The following KCNAB1 variants were observed in gnomAD, a reference collection of about 807,000 sequenced individuals.
KCNAB1 encodes the protein voltage-gated potassium channel subunit beta-1.
KCNAB1 carries 35 observed loss-of-function variants against 64.6 expected under a neutral mutation model. The ratio of observed to expected loss-of-function variants is 0.54; its 90% CI spans 0.41 to 0.72. The LOEUF (loss-of-function observed/expected upper bound fraction) is 0.72, where lower values mean the gene tolerates loss of function less well. KCNAB1 is among the 30% of genes least tolerant of loss of function. The probability of loss-of-function intolerance (pLI) is 0.00; values close to 1 mark genes in which losing one functional copy is unlikely to be tolerated. For missense variants in KCNAB1, 401 were observed against 512.9 expected, an observed-to-expected ratio of 0.78 and a Z score of 2.11; for synonymous variants, 177 against 183.8, an observed-to-expected ratio of 0.96 and a Z score of 0.30.
At chr3:156,143,324 G>C in intron 1 of KCNAB1, 1 of 1,612,962 alleles carries the variant, frequency 6.2e-7, no homozygotes, top group African/African-American at 1.3e-5. Context: ...GTGAGGCCCA[G>C]TGGAGCAGCC....
At chr3:156,356,122 A>AG (rs1277523128) in intron 1 of KCNAB1, among the ~76,000 whole-genome samples, 13 of 150,220 alleles carry the variant, frequency 8.7e-5, no homozygotes, top group South Asian at 2.1e-4. Flanking sequence ...ACCCTGTAAA[A>AG]AAAAAAAAAA....
chr3:156,357,884 GA>G (rs945595753), intron 1 of KCNAB1, among the ~76,000 whole-genome samples: 2 of 150,332 alleles, frequency 1.3e-5, no homozygotes, highest in African/African-American at 2.4e-5. Flanking sequence ...TGTACCTAAG[GA>G]AAACTCAATT....
chr3:156,421,757 G>T, intron 2 of KCNAB1, 98 bp downstream of exon 2: 1 of 1,015,252 alleles, frequency 9.8e-7, no homozygotes, highest in East Asian at 2.4e-5. Context: ...CCTGGTCTCA[G>T]ATGAGGAGGA....
At chr3:156,411,826 A>G (rs981397067) in intron 1 of KCNAB1, among the ~76,000 whole-genome samples, 5 of 152,174 alleles carry the variant, frequency 3.3e-5, no homozygotes, top group Admixed American at 3.3e-4. Context: ...TGAGTCCTCC[A>G]GCTTTACTCT....
At chr3:156,224,461 G>A (rs1397794650) in intron 1 of KCNAB1, among the ~76,000 whole-genome samples, 1 of 152,156 alleles carries the variant, frequency 6.6e-6, no homozygotes, top group African/African-American at 2.4e-5. Context: ...CGAGGGCTGC[G>A]AGGGCTGCCA....
chr3:156,129,876 T>G (rs756745367), intron 1 of KCNAB1, among the ~76,000 whole-genome samples: 1 of 152,228 alleles, frequency 6.6e-6, no homozygotes, highest in Non-Finnish European at 1.5e-5. Flanking sequence ...ACTTAGAAAC[T>G]TGTTCTAAGA....
In KCNAB1 at chr3:156,452,124, G is replaced by A. The variant is rs1035049914; in HGVS notation, c.320-775G>A. On this transcript the variant is annotated intron_variant, in intron 2 of 13. Transcript: ENST00000490337. The surrounding 1 kb of genome is among the most constrained non-coding windows in gnomAD (Gnocchi z 4.6). Reference sequence around the variant, plus strand: ...CATTCCCTCCTTTAGGAAGGGAAAGGAAGGGAATAAATCCTCCTTTTAGGA... The same window carrying A: ...CATTCCCTCCTTTAGGAAGGGAAAGAAAGGGAATAAATCCTCCTTTTAGGA... Among the ~76,000 whole-genome samples, 1 of 152,204 alleles carries A rather than the reference G, an allele frequency of 6.6e-6. No individual in the cohort carries two copies. Among genetic ancestry groups the A allele is most frequent in the African/African-American group, 2.4e-5 (1 of 41,452 alleles).
intron 1 of KCNAB1, among the ~76,000 whole-genome samples, chr3:156,334,800 T>A (rs2108052077): frequency 6.6e-6 from 1 of 152,330 alleles, no homozygotes; most frequent in Admixed American, 6.5e-5. Flanking sequence ...TTCTGGTATC[T>A]GGGACCCTGG....
intron 8 of KCNAB1, 121 bp downstream of exon 8, chr3:156,474,941 T>C (rs904479313): frequency 1.9e-5 from 15 of 790,046 alleles, no homozygotes; most frequent in Non-Finnish European, 2.9e-5. Context: ...AAAATAAAAA[T>C]GTTTCTGACT....
At chr3:156,245,926 C>T (rs1717425099) in intron 1 of KCNAB1, among the ~76,000 whole-genome samples, 1 of 151,912 alleles carries the variant, frequency 6.6e-6, no homozygotes, top group Non-Finnish European at 1.5e-5. Flanking sequence ...TGCCAAGCTT[C>T]TTATCCATAC....
intron 1 of KCNAB1, among the ~76,000 whole-genome samples, chr3:156,229,559 C>T (rs1716394789): frequency 6.6e-6 from 1 of 152,188 alleles, no homozygotes; most frequent in Admixed American, 6.5e-5. Context: ...AAGGACAACA[C>T]TTATTCATCC....
At chr3:156,360,265 C>T (rs1245376672) in intron 1 of KCNAB1, among the ~76,000 whole-genome samples, 1 of 152,172 alleles carries the variant, frequency 6.6e-6, no homozygotes, top group East Asian at 1.9e-4. Flanking sequence ...ATCCAGCTGC[C>T]CATTTATCAT....
chr3:156,425,869 G>T (rs1715780092), intron 2 of KCNAB1, among the ~76,000 whole-genome samples: 1 of 152,170 alleles, frequency 6.6e-6, no homozygotes, highest in Admixed American at 6.5e-5. Context: ...GGGATAGCTT[G>T]ATGGGGGAAC....
chr3:156,147,961 G>GCACGCACACGCA (rs35899836), intron 1 of KCNAB1, among the ~76,000 whole-genome samples: 3 of 150,446 alleles, frequency 2.0e-5, no homozygotes, highest in East Asian at 1.9e-4. Context: ...ACACACACAC[G>GCACGCACACGCA]CACGCACACG....
At chr3:156,291,701 G>T in intron 1 of KCNAB1, 1 of 1,417,764 alleles carries the variant, frequency 7.1e-7, no homozygotes, top group Non-Finnish European at 9.2e-7. Context: ...CTGGGTCCCC[G>T]GGGACTCTTT....
chr3:156,435,720 G>A (rs1176006868), intron 2 of KCNAB1, among the ~76,000 whole-genome samples: 1 of 152,094 alleles, frequency 6.6e-6, no homozygotes, highest in Non-Finnish European at 1.5e-5. Flanking sequence ...ATCTGCAAGA[G>A]TGAGATTCTA....
chr3:156,359,086 C>A (rs1208572567), intron 1 of KCNAB1, among the ~76,000 whole-genome samples: 1 of 152,126 alleles, frequency 6.6e-6, no homozygotes, highest in Non-Finnish European at 1.5e-5. Context: ...CTCACAGCAC[C>A]ATTCTAGTTT....
intron 1 of KCNAB1, among the ~76,000 whole-genome samples, chr3:156,370,276 G>T (rs904759082): frequency 1.7e-4 from 26 of 152,326 alleles, no homozygotes; most frequent in Middle Eastern, 3.4e-3. Flanking sequence ...AGGGAAGGAG[G>T]TTTATGGGAC....
At chr3:156,464,226 T>C (rs1224707421) in intron 6 of KCNAB1, among the ~76,000 whole-genome samples, 1 of 152,144 alleles carries the variant, frequency 6.6e-6, no homozygotes, top group African/African-American at 2.4e-5. Context: ...CACTGGAGAA[T>C]AACATGGAGC....
Sources: allele counts gnomAD v4.1 joint callset (sites outside exome capture counted in the v4.1 genomes callset), GRCh38; gene constraint gnomAD v4.1.1; non-coding constraint Gnocchi (gnomAD v3.1); transcripts MANE v1.5; gene names NCBI Gene and HGNC (gene_info 2026-07-23, HGNC 2026-07-21).